The following CTNNA1 variants were observed in gnomAD, a reference collection of about 807,000 sequenced individuals.
The protein encoded by CTNNA1 is catenin alpha 1.
Under a neutral mutation model 98.4 loss-of-function variants are expected in CTNNA1, and 37 were observed. The observed-to-expected ratio is 0.38, with a 90% CI of 0.29 to 0.49. The LOEUF (loss-of-function observed/expected upper bound fraction) is 0.49. CTNNA1 is among the 20% of genes least tolerant of loss of function. The pLI is 0.95. For missense variants in CTNNA1, 761 were observed against 1,147.2 expected (o/e 0.66, Z 4.86); for synonymous variants, 404 against 413.2 (o/e 0.98, Z 0.27).
intron 3 of CTNNA1, among the ~76,000 whole-genome samples, chr5:138,807,565 C>T (rs1758222730): frequency 6.6e-6 from 1 of 151,880 alleles, no homozygotes; most frequent in Non-Finnish European, 1.5e-5. Flanking sequence ...TGGTCAAATC[C>T]ATCTTTTCTG....
chr5:138,760,689 G>A (rs1005916395), intron 1 of CTNNA1, among the ~76,000 whole-genome samples: 12 of 152,144 alleles, frequency 7.9e-5, no homozygotes, highest in Non-Finnish European at 1.8e-4. Flanking sequence ...GTTGATGGAC[G>A]TTTGGATTAT....
intron 6 of CTNNA1, among the ~76,000 whole-genome samples, chr5:138,825,852 AT>A (rs937877975): frequency 4.6e-5 from 7 of 152,160 alleles, no homozygotes; most frequent in Non-Finnish European, 8.8e-5. Context: ...ACAAACTCTT[AT>A]GGTGCATGTT....
chr5:138,927,872 G>A (rs1487802672), intron 13 of CTNNA1, among the ~76,000 whole-genome samples: 3 of 152,094 alleles, frequency 2.0e-5, no homozygotes, highest in African/African-American at 7.2e-5. Context: ...TGCCAGTCCC[G>A]AAGGCATGTG....
At chr5:138,914,159 C>A (rs571245843) in intron 10 of CTNNA1, among the ~76,000 whole-genome samples, 1 of 152,034 alleles carries the variant, frequency 6.6e-6, no homozygotes, top group Admixed American at 6.6e-5. Flanking sequence ...ATACTGTATG[C>A]GATATATTAC....
At chr5:138,920,103 C>A (rs952726555) in intron 11 of CTNNA1, among the ~76,000 whole-genome samples, 1 of 151,656 alleles carries the variant, frequency 6.6e-6, no homozygotes, top group Non-Finnish European at 1.5e-5. Flanking sequence ...CTCAGCCTCC[C>A]GAGTAGCTGG....
intron 17 of CTNNA1, among the ~76,000 whole-genome samples, chr5:138,933,257 C>CTCTT (rs1267427341): frequency 3.9e-5 from 6 of 152,300 alleles, no homozygotes; most frequent in East Asian, 1.9e-4. Flanking sequence ...TGGGTAGCGT[C>CTCTT]TCTTTCTTTT....
At position 138,783,606 on chromosome 5, in the gene CTNNA1, A is replaced by C. The variant is rs141981902; in HGVS notation, c.301+234A>C. ...GAGATGTATTAAGTTGGACTGGCTC[A>C]TTTTAATCATGAGAGATGCTTGCAG... On this transcript the variant is annotated intron_variant, in intron 3 of 17. Coordinates refer to ENST00000302763, the MANE Select transcript of CTNNA1 (RefSeq NM_001903.5). 1.1e-4 allele frequency among the ~76,000 whole-genome samples: 16 copies of C among 152,318 alleles called. No individual in the cohort carries two copies. The East Asian group carries it at 2.5e-3, about 24-fold the overall frequency.
intron 7 of CTNNA1, among the ~76,000 whole-genome samples, chr5:138,862,084 AT>A (rs1434269797): frequency 6.6e-6 from 1 of 152,194 alleles, no homozygotes; most frequent in Non-Finnish European, 1.5e-5. Context: ...TTCTGATAAG[AT>A]TGTATGTCTT....
At chr5:138,769,801 G>A (rs1364796718) in intron 1 of CTNNA1, among the ~76,000 whole-genome samples, 2 of 151,896 alleles carry the variant, frequency 1.3e-5, no homozygotes, top group Non-Finnish European at 2.9e-5. Context: ...CCAAAGTGCT[G>A]GGATTACAGG....
intron 7 of CTNNA1, among the ~76,000 whole-genome samples, chr5:138,856,541 C>T (rs921159434): frequency 3.3e-5 from 5 of 152,098 alleles, no homozygotes; most frequent in East Asian, 3.9e-4. Context: ...GGGGTCTCGT[C>T]GTGTTGCCCA....
At chr5:138,755,040 G>A (rs534371836) in intron 1 of CTNNA1, 122 of 152,358 alleles carry the variant, frequency 8.0e-4, no homozygotes, top group African/African-American at 2.8e-3. Flanking sequence ...TTACAGGCCT[G>A]AGCCAGGGTG....
intron 11 of CTNNA1, among the ~76,000 whole-genome samples, chr5:138,920,219 A>T (rs1266392977): frequency 6.6e-6 from 1 of 152,012 alleles, no homozygotes; most frequent in Non-Finnish European, 1.5e-5. Context: ...ACCTCAGGTG[A>T]TCCACCCGCT....
At chr5:138,765,677 G>A (rs1440062401) in intron 1 of CTNNA1, among the ~76,000 whole-genome samples, 1 of 152,046 alleles carries the variant, frequency 6.6e-6, no homozygotes, top group Non-Finnish European at 1.5e-5. Context: ...GGCGCTGGGC[G>A]AGGTGGCTCA....
At chr5:138,846,845 A>T (rs574406178) in intron 7 of CTNNA1, among the ~76,000 whole-genome samples, 37 of 152,224 alleles carry the variant, frequency 2.4e-4, no homozygotes, top group South Asian at 1.7e-3. Flanking sequence ...TTCTCTCTGA[A>T]AAAGTGTTAG....
At chr5:138,855,647 G>A (rs1414129211) in intron 7 of CTNNA1, among the ~76,000 whole-genome samples, 2 of 152,188 alleles carry the variant, frequency 1.3e-5, no homozygotes, top group Non-Finnish European at 2.9e-5. Flanking sequence ...TACGGTGTTT[G>A]GTGGGTGAGA....
intron 7 of CTNNA1, among the ~76,000 whole-genome samples, chr5:138,885,048 C>A (rs977510576): frequency 5.3e-5 from 8 of 152,188 alleles, no homozygotes; most frequent in African/African-American, 1.9e-4. Context: ...CCTGTTGTCT[C>A]CTTTCTGCCC....
chr5:138,842,831 TAAAA>T (rs1762383798), intron 7 of CTNNA1, among the ~76,000 whole-genome samples: 1 of 152,202 alleles, frequency 6.6e-6, no homozygotes, highest in Non-Finnish European at 1.5e-5. Context: ...TCATGGCAGT[TAAAA>T]AACACCTGAC....
At chr5:138,933,705 C>G in intron 17 of CTNNA1, 97 bp from the exon 18 acceptor site, 2 of 1,303,374 alleles carry the variant, frequency 1.5e-6, no homozygotes, top group Non-Finnish European at 2.1e-6. Context: ...CCTGGTCTTG[C>G]AGAGGAGTAG....
intron 9 of CTNNA1, among the ~76,000 whole-genome samples, chr5:138,892,303 T>C (rs1755560982): frequency 6.8e-6 from 1 of 147,956 alleles, no homozygotes; most frequent in Admixed American, 6.8e-5. Context: ...ATATAAAATA[T>C]GGAAAAAGAA....
Sources: gnomAD v4.1 joint callset for allele counts (sites outside exome capture counted in the v4.1 genomes callset) on GRCh38, gnomAD v4.1.1 for gene constraint, MANE v1.5 for transcripts, NCBI Gene and HGNC (gene_info 2026-07-23, HGNC 2026-07-21) for gene names.